The following KRAS variants were observed in gnomAD, a reference collection of about 807,000 sequenced individuals.
KRAS encodes KRas proto-oncogene, GTPase, also known as GTPase KRas.
KRAS carries 1 observed loss-of-function variant against 21.0 expected under a neutral mutation model. The observed-to-expected ratio is 0.05, with a 90% CI of 0.02 to 0.23. KRAS has a LOEUF of 0.23. Ranked by LOEUF, KRAS falls within the 10% of genes least tolerant of loss-of-function variation. The probability of loss-of-function intolerance (pLI) is 1.00; values close to 1 mark genes in which losing one functional copy is unlikely to be tolerated. For missense variants in KRAS, 107 were observed against 221.8 expected (o/e 0.48, Z 3.29); for synonymous variants, 67 against 72.5 (o/e 0.92, Z 0.39).
chr12:25,250,588 C>A (rs900813438), intron 1 of KRAS, among the ~76,000 whole-genome samples, 163 bp downstream of exon 1: 1 of 150,986 alleles, frequency 6.6e-6, no homozygotes, highest in African/African-American at 2.4e-5. Flanking sequence ...GCGCCTCCCC[C>A]CTGCAGACCC....
chr12:25,224,917 T>G (rs1951371264), intron 4 of KRAS, among the ~76,000 whole-genome samples: 1 of 152,150 alleles, frequency 6.6e-6, no homozygotes, highest in South Asian at 2.1e-4. Context: ...CCTTCCTATC[T>G]TTATGTATTC....
intron 2 of KRAS, among the ~76,000 whole-genome samples, chr12:25,243,834 T>C (rs545164476): frequency 1.3e-5 from 2 of 152,340 alleles, no homozygotes; most frequent in East Asian, 3.9e-4. Flanking sequence ...AACAAAACTA[T>C]AGTACACATT....
rs1210871430 is a variant in KRAS at position 25,206,875 on chromosome 12, G to A, written c.*2920C>T. Reference sequence around the variant, plus strand: ...CACATTTGGGTCAATATGAATATCTGACATACACCTTAATGTGTACAGTAA... The same window carrying A: ...CACATTTGGGTCAATATGAATATCTAACATACACCTTAATGTGTACAGTAA... On this transcript the variant is annotated 3_prime_UTR_variant, in exon 5 of 5. Coordinates refer to ENST00000311936, the MANE Select transcript of KRAS (RefSeq NM_004985.5). 1 of 200,808 alleles carries A rather than the reference G, an allele frequency of 5.0e-6. No individual in the cohort carries two copies. Among genetic ancestry groups the A allele is most frequent in the East Asian group, 7.8e-5 (1 of 12,870 alleles). The allele number at this position is 200,808 out of a possible 1,614,324, so 12.4% of individuals were successfully genotyped here. A position where few individuals can be genotyped will look rare whatever the true frequency, so the allele number is the denominator to read the frequency against.
intron 4 of KRAS, among the ~76,000 whole-genome samples, chr12:25,214,132 T>C (rs1951228342): frequency 6.6e-6 from 1 of 152,060 alleles, no homozygotes; most frequent in Non-Finnish European, 1.5e-5. Context: ...TTTTAGAGAG[T>C]AGGAGACTGG....
intron 4 of KRAS, chr12:25,225,131 T>C (rs1410225110): frequency 2.0e-5 from 3 of 151,884 alleles, no homozygotes. Context: ...ATTGTCTTTC[T>C]TTAATGAGAC....
intron 4 of KRAS, chr12:25,215,645 A>T: frequency 8.7e-7 from 1 of 1,144,804 alleles, no homozygotes; most frequent in Non-Finnish European, 1.3e-6. Context: ...GAAGTTTGAG[A>T]TTATGAGCTT....
intron 2 of KRAS, among the ~76,000 whole-genome samples, chr12:25,243,964 A>G (rs1478275059): frequency 1.3e-5 from 2 of 152,230 alleles, no homozygotes; most frequent in Admixed American, 1.3e-4. Flanking sequence ...AGTTGTTTCT[A>G]TGTTTAAATC....
chr12:25,248,576 GGTTTACTT>G (rs1157446555), intron 1 of KRAS, among the ~76,000 whole-genome samples: 1 of 149,260 alleles, frequency 6.7e-6, no homozygotes, highest in Non-Finnish European at 1.5e-5. Flanking sequence ...TGTATCTTCC[GGTTTACTT>G]GTTTATGCGG....
In KRAS at chr12:25,207,238, T is replaced by G. The variant is rs753898688; in HGVS notation, c.*2557A>C. The G allele has an allele frequency of 1.5e-5, 3 of 205,350 alleles. No individual in the cohort carries two copies. Among genetic ancestry groups the G allele is most frequent in the African/African-American group, 4.6e-5 (2 of 43,852 alleles). The allele number at this position is 205,350 out of a possible 1,614,324, so 12.7% of individuals were successfully genotyped here. On this transcript the variant is annotated 3_prime_UTR_variant, in exon 5 of 5. Coordinates refer to ENST00000311936, the MANE Select transcript of KRAS (RefSeq NM_004985.5). Reference sequence around the variant, plus strand: ...GCATCTGGTAGGCACTCAATAAATATTTGCTGAATAAATGAGTTCTGCAAA... The same window carrying G: ...GCATCTGGTAGGCACTCAATAAATAGTTGCTGAATAAATGAGTTCTGCAAA...
In KRAS at chr12:25,206,931, T is replaced by TA. The variant is rs1200243908; in HGVS notation, c.*2863dup. On this transcript the variant is annotated 3_prime_UTR_variant, in exon 5 of 5. Transcript: ENST00000311936. Reference sequence around the variant, plus strand: ...CTAAAAGAATCACAGTTATGCCAAATAAAAAAACAATATAATCAAGTTTAT... The same window carrying TA: ...CTAAAAGAATCACAGTTATGCCAAATAAAAAAAACAATATAATCAAGTTTAT... 4.9e-6 allele frequency: 1 copy of TA among 203,836 alleles called. No homozygotes were observed. Among genetic ancestry groups the TA allele is most frequent in the Non-Finnish European group, 1.0e-5 (1 of 99,380 alleles). 12.6% of individuals were successfully genotyped at this position (203,836 alleles called of 1,614,324 possible). A position where few individuals can be genotyped will look rare whatever the true frequency, so the allele number is the denominator to read the frequency against.
chr12:25,249,520 A>C (rs1315947402), intron 1 of KRAS, among the ~76,000 whole-genome samples: 1 of 143,102 alleles, frequency 7.0e-6, no homozygotes, highest in Non-Finnish European at 1.5e-5. Flanking sequence ...TGAACCCAGG[A>C]GGCGGAGGTT....
At chr12:25,213,914 T>C (rs951634776) in intron 4 of KRAS, among the ~76,000 whole-genome samples, 3 of 152,222 alleles carry the variant, frequency 2.0e-5, no homozygotes, top group African/African-American at 7.2e-5. Flanking sequence ...GGGTAGTTAC[T>C]ATGTCCCAGG....
chr12:25,248,537 T>C (rs941260562), intron 1 of KRAS, among the ~76,000 whole-genome samples: 1 of 152,040 alleles, frequency 6.6e-6, no homozygotes, highest in Non-Finnish European at 1.5e-5. Context: ...GGATTAGAGT[T>C]TGTGTATATA....
At chr12:25,231,605 T>C (rs1427482852) in intron 2 of KRAS, among the ~76,000 whole-genome samples, 1 of 152,032 alleles carries the variant, frequency 6.6e-6, no homozygotes, top group Non-Finnish European at 1.5e-5. Context: ...CACTGATAAA[T>C]CTCATTCCTA....
intron 4 of KRAS, among the ~76,000 whole-genome samples, chr12:25,217,250 C>CT (rs1183216613): frequency 6.6e-6 from 1 of 152,130 alleles, no homozygotes; most frequent in East Asian, 1.9e-4. Flanking sequence ...CATCTACTGC[C>CT]TACAGTAGTT....
At chr12:25,246,163 A>C (rs1440289642) in intron 1 of KRAS, among the ~76,000 whole-genome samples, 1 of 151,784 alleles carries the variant, frequency 6.6e-6, no homozygotes, top group Non-Finnish European at 1.5e-5. Context: ...AAAAAAAAAA[A>C]AAAAAAATCT....
chr12:25,235,044 T>C (rs1951526795), intron 2 of KRAS: 1 of 371,856 alleles, frequency 2.7e-6, no homozygotes, highest in Non-Finnish European at 4.9e-6. Flanking sequence ...ATAAGCATAT[T>C]ACAAACATCA....
chr12:25,217,205 T>C (rs1951265559), intron 4 of KRAS, among the ~76,000 whole-genome samples: 1 of 152,162 alleles, frequency 6.6e-6, no homozygotes, highest in African/African-American at 2.4e-5. Context: ...AACCAATGGC[T>C]AGGGCTTAAT....
chr12:25,235,263 GCT>G, intron 2 of KRAS: 1 of 536,310 alleles, frequency 1.9e-6, no homozygotes, highest in Non-Finnish European at 3.5e-6. Context: ...CTCAATTAAT[GCT>G]CAAGTACTTT....
Sources: allele counts gnomAD v4.1 joint callset (sites outside exome capture counted in the v4.1 genomes callset), GRCh38; gene constraint gnomAD v4.1.1; transcripts MANE v1.5; gene names NCBI Gene and HGNC (gene_info 2026-07-23, HGNC 2026-07-21).